Variants in DPYD observed in about 807,000 individuals in gnomAD.
DPYD encodes the protein dihydropyrimidine dehydrogenase [NADP(+)].
A neutral mutation model predicts 116.2 loss-of-function variants in DPYD; 109 were observed. That is an observed-to-expected ratio of 0.94 (90% CI 0.80 to 1.10). The LOEUF (loss-of-function observed/expected upper bound fraction) is 1.10. Ranked by LOEUF, DPYD falls within the 50% of genes least tolerant of loss-of-function variation. DPYD has a pLI of 0.00. For synonymous variants in DPYD, 440 were observed against 432.0 expected (o/e 1.02, Z -0.23); for missense variants, 1,302 against 1,254.5 (o/e 1.04, Z -0.57).
At chr1:97,538,841 A>C (rs1306808309) in intron 12 of DPYD, among the ~76,000 whole-genome samples, 1 of 152,180 alleles carries the variant, frequency 6.6e-6, no homozygotes, top group African/African-American at 2.4e-5. Context: ...TGTCTTGTGT[A>C]TCTATTCTAA....
chr1:97,504,786 A>C lies in DPYD; in HGVS notation c.1740+10940T>G, dbSNP rs145765295. 2.9e-3 allele frequency among the ~76,000 whole-genome samples: 432 copies of C among 150,862 alleles called. 3 individuals carry two copies. Among genetic ancestry groups the C allele is most frequent in the African/African-American group, 9.9e-3 (410 of 41,328 alleles). Reference sequence around the variant, plus strand: ...AACAATGTATTACATTGCAAAATAAAACTGGTTGATAAGAGGAGGGAGGTA... The same window carrying C: ...AACAATGTATTACATTGCAAAATAACACTGGTTGATAAGAGGAGGGAGGTA... On this transcript the variant is annotated intron_variant, in intron 13 of 22. Transcript: ENST00000370192.
In DPYD at chr1:97,362,020, G is replaced by C. The variant is rs149525962; in HGVS notation, c.2058+11541C>G. Among the ~76,000 whole-genome samples, 230 of 152,348 alleles carry C rather than the reference G, an allele frequency of 1.5e-3. 1 individual carries two copies. The highest frequency in any genetic ancestry group is 5.1e-3 in the African/African-American group (212 of 41,588). ...GAAAAGAGGAAGTCAAATTGTCCTT[G>C]TTTGCAGATGACATGATTGTATATT... On this transcript the variant is annotated intron_variant, in intron 16 of 22. Coordinates refer to ENST00000370192, the MANE Select transcript of DPYD (RefSeq NM_000110.4).
chr1:97,744,337 C>A (rs961959359), intron 3 of DPYD, among the ~76,000 whole-genome samples: 5 of 151,992 alleles, frequency 3.3e-5, no homozygotes, highest in Admixed American at 6.6e-5. Context: ...CAGATGCCTG[C>A]TTCTTTTATT....
chr1:97,512,952 GTTAT>G (rs1484547000), intron 13 of DPYD, among the ~76,000 whole-genome samples: 2 of 151,744 alleles, frequency 1.3e-5, no homozygotes, highest in Non-Finnish European at 2.9e-5. Flanking sequence ...CATTTTTGAT[GTTAT>G]TTAACACAAA....
intron 20 of DPYD, among the ~76,000 whole-genome samples, chr1:97,101,984 A>G (rs2101603401): frequency 6.6e-6 from 1 of 152,164 alleles, no homozygotes; most frequent in South Asian, 2.1e-4. Context: ...CTATCCAGAT[A>G]TAAAAAAAGC....
intron 12 of DPYD, among the ~76,000 whole-genome samples, chr1:97,547,769 C>T (rs969010853): frequency 1.3e-4 from 20 of 152,068 alleles, no homozygotes; most frequent in African/African-American, 4.3e-4. Flanking sequence ...TAGCCTCCAA[C>T]TTCTGGGCTT....
chr1:97,680,709 C>A (rs1348654015), intron 7 of DPYD, among the ~76,000 whole-genome samples: 1 of 152,124 alleles, frequency 6.6e-6, no homozygotes, highest in East Asian at 1.9e-4. Flanking sequence ...TTGACGACAT[C>A]AGGCAGATCA....
At position 97,294,071 on chromosome 1, in the gene DPYD, C is replaced by T. The variant is rs1160672077; in HGVS notation, c.2299+11188G>A. 4.6e-5 allele frequency among the ~76,000 whole-genome samples: 7 copies of T among 151,952 alleles called. No individual in the cohort carries two copies. In the East Asian group the frequency reaches 5.8e-4, roughly 13 times the overall value. On this transcript the variant is annotated intron_variant, in intron 18 of 22. Transcript: ENST00000370192. The stretch of plus-strand genomic sequence containing the variant: ...AAACTTTCATAAATTCTGGAGGAGT[C>T]GATATGAAGGAAACAACGGCTCTTG...
intron 3 of DPYD, among the ~76,000 whole-genome samples, chr1:97,752,959 G>A (rs982221027): frequency 1.3e-5 from 2 of 152,026 alleles, no homozygotes; most frequent in Non-Finnish European, 2.9e-5. Flanking sequence ...TCCAGTTTTT[G>A]TACAGTTAAT....
chr1:97,330,146 C>A (rs928770026), intron 16 of DPYD, among the ~76,000 whole-genome samples: 1 of 151,946 alleles, frequency 6.6e-6, no homozygotes, highest in African/African-American at 2.4e-5. Flanking sequence ...CTGTATTTTG[C>A]CCTGACACAA....
intron 14 of DPYD, among the ~76,000 whole-genome samples, chr1:97,386,305 C>A (rs1425004577): frequency 6.7e-6 from 1 of 149,826 alleles, no homozygotes; most frequent in Non-Finnish European, 1.5e-5. Context: ...TCTCCTTGGT[C>A]ACTAAACTGG....
intron 7 of DPYD, among the ~76,000 whole-genome samples, chr1:97,684,614 G>C (rs1488130070): frequency 1.3e-5 from 2 of 150,314 alleles, no homozygotes; most frequent in Non-Finnish European, 3.0e-5. Flanking sequence ...GACTAATGAA[G>C]AAAAAAGAGA....
chr1:97,757,998 G>T (rs192149013), intron 3 of DPYD, among the ~76,000 whole-genome samples: 1 of 152,042 alleles, frequency 6.6e-6, no homozygotes, highest in Non-Finnish European at 1.5e-5. Flanking sequence ...GAAATGGAGC[G>T]CCTGCCCCTT....
intron 14 of DPYD, among the ~76,000 whole-genome samples, chr1:97,391,273 G>A (rs1332448443): frequency 4.0e-5 from 6 of 151,752 alleles, no homozygotes; most frequent in Non-Finnish European, 8.8e-5. Context: ...TTGCATATAC[G>A]ACTACCCGTT....
intron 16 of DPYD, among the ~76,000 whole-genome samples, chr1:97,317,522 T>C (rs1667930890): frequency 6.6e-6 from 1 of 152,058 alleles, no homozygotes; most frequent in Non-Finnish European, 1.5e-5. Flanking sequence ...AGCTTGGCAT[T>C]TGTTTTCTTA....
At chr1:97,717,649 T>C (rs1662687470) in intron 5 of DPYD, among the ~76,000 whole-genome samples, 1 of 152,052 alleles carries the variant, frequency 6.6e-6, no homozygotes, top group Admixed American at 6.6e-5. Context: ...TCTTATGCTT[T>C]TGTGTCCTCA....
intron 20 of DPYD, among the ~76,000 whole-genome samples, chr1:97,119,829 G>A (rs889379535): frequency 1.3e-5 from 2 of 152,128 alleles, no homozygotes; most frequent in African/African-American, 4.8e-5. Flanking sequence ...CAATTTATTC[G>A]TGGTTAGATG....
chr1:97,261,718 T>A (rs973343095), intron 18 of DPYD, among the ~76,000 whole-genome samples: 2 of 151,974 alleles, frequency 1.3e-5, no homozygotes, highest in African/African-American at 2.4e-5. Flanking sequence ...AGGCAGGCAT[T>A]TGGCATACAT....
intron 3 of DPYD, among the ~76,000 whole-genome samples, chr1:97,742,066 G>A (rs1664299000): frequency 6.6e-6 from 1 of 152,090 alleles, no homozygotes; most frequent in Admixed American, 6.6e-5. Flanking sequence ...TAAAGTGAGA[G>A]TGGGAGTAGA....
Sources: allele counts gnomAD v4.1 joint callset (sites outside exome capture counted in the v4.1 genomes callset), GRCh38; gene constraint gnomAD v4.1.1; transcripts MANE v1.5; gene names NCBI Gene and HGNC (gene_info 2026-07-23, HGNC 2026-07-21).